SMYD3: variants seen among roughly 807,000 people sequenced by gnomAD.
SMYD3 encodes histone-lysine N-methyltransferase SMYD3.
SMYD3 carries 36 observed loss-of-function variants against 57.7 expected under a neutral mutation model. The ratio of observed to expected loss-of-function variants is 0.62; its 90% CI spans 0.48 to 0.82. The LOEUF is 0.82. Among genes scored for constraint, SMYD3 ranks in the 40% least tolerant of loss-of-function variants. The pLI, the probability that SMYD3 is intolerant of heterozygous loss-of-function variation, is 0.00. For synonymous variants in SMYD3, 211 were observed against 195.0 expected (o/e 1.08, Z -0.68); for missense variants, 515 against 538.8 (o/e 0.96, Z 0.44).
intron 8 of SMYD3, among the ~76,000 whole-genome samples, chr1:245,878,795 G>T (rs1035564918): frequency 1.3e-5 from 2 of 152,204 alleles, no homozygotes; most frequent in Admixed American, 6.5e-5. Context: ...ATATACTGTT[G>T]ATGTCATCAG....
intron 10 of SMYD3, among the ~76,000 whole-genome samples, chr1:245,829,638 G>C (rs1381266392): frequency 6.6e-6 from 1 of 151,948 alleles, no homozygotes; most frequent in Non-Finnish European, 1.5e-5. Flanking sequence ...TTCCACTCTA[G>C]ATATACACTT....
chr1:246,131,914 T>TA (rs35343279), intron 5 of SMYD3, among the ~76,000 whole-genome samples: 38,779 of 152,054 alleles, frequency 0.26, 5,786 homozygotes, highest in East Asian at 0.44. Context: ...CTATAATGTT[T>TA]AAATGAGAAA....
intron 5 of SMYD3, among the ~76,000 whole-genome samples, chr1:246,255,964 A>G (rs2063881890): frequency 1.3e-5 from 2 of 151,784 alleles, no homozygotes; most frequent in South Asian, 2.1e-4. Context: ...ATAGATAGAT[A>G]GATAGATAGA....
At chr1:245,932,887 C>T (rs952454584) in intron 5 of SMYD3, among the ~76,000 whole-genome samples, 1 of 152,118 alleles carries the variant, frequency 6.6e-6, no homozygotes, top group African/African-American at 2.4e-5. Context: ...CTGAGTGTTA[C>T]GTGTTAGTCT....
At chr1:246,385,529 A>G (rs762430405) in intron 1 of SMYD3, among the ~76,000 whole-genome samples, 1 of 152,112 alleles carries the variant, frequency 6.6e-6, no homozygotes, top group African/African-American at 2.4e-5. Context: ...TTCCTAGGAG[A>G]GAAAGGACCC....
intron 10 of SMYD3, among the ~76,000 whole-genome samples, chr1:245,767,752 C>T (rs1212174113): frequency 2.6e-5 from 4 of 152,188 alleles, no homozygotes; most frequent in African/African-American, 4.8e-5. Flanking sequence ...GGCACACACA[C>T]GTGCAAAGCT....
intron 10 of SMYD3, among the ~76,000 whole-genome samples, chr1:245,774,807 T>C (rs2046494415): frequency 6.6e-6 from 1 of 151,514 alleles, no homozygotes; most frequent in Admixed American, 6.6e-5. Flanking sequence ...CCTGCCTGAT[T>C]CTCCTGCCTC....
intron 1 of SMYD3, among the ~76,000 whole-genome samples, chr1:246,473,220 T>C (rs764608273): frequency 6.6e-6 from 1 of 152,234 alleles, no homozygotes; most frequent in Non-Finnish European, 1.5e-5. Context: ...TCTTTTTACA[T>C]GGCTTAGGTT....
chr1:246,166,751 T>C (rs1225281343), intron 5 of SMYD3, among the ~76,000 whole-genome samples: 1 of 152,220 alleles, frequency 6.6e-6, no homozygotes, highest in African/African-American at 2.4e-5. Flanking sequence ...ACCTGAGAGC[T>C]AGGGGCCGCG....
chr1:245,799,497 G>A (rs184532084), intron 10 of SMYD3, among the ~76,000 whole-genome samples: 30 of 40,460 alleles, frequency 7.4e-4, no homozygotes, highest in Admixed American at 2.8e-3. Flanking sequence ...AAATGGACTC[G>A]AATGCGTGAA....
At chr1:246,295,555 A>C (rs2064777267) in intron 5 of SMYD3, among the ~76,000 whole-genome samples, 1 of 152,208 alleles carries the variant, frequency 6.6e-6, no homozygotes, top group Non-Finnish European at 1.5e-5. Flanking sequence ...ATCTATTTGC[A>C]ATCAAGATGC....
At chr1:245,936,172 ATAATT>A (rs1462275398) in intron 5 of SMYD3, among the ~76,000 whole-genome samples, 2 of 152,226 alleles carry the variant, frequency 1.3e-5, no homozygotes, top group African/African-American at 2.4e-5. Context: ...AAAATTTTAA[ATAATT>A]TAATAAGACA....
At chr1:245,833,255 G>C (rs902503477) in intron 10 of SMYD3, among the ~76,000 whole-genome samples, 15 of 152,054 alleles carry the variant, frequency 9.9e-5, no homozygotes, top group African/African-American at 3.6e-4. Flanking sequence ...AGCAAATGTT[G>C]GTATGTGACT....
At chr1:246,271,624 T>C (rs1371538509) in intron 5 of SMYD3, among the ~76,000 whole-genome samples, 1 of 152,228 alleles carries the variant, frequency 6.6e-6, no homozygotes, top group Non-Finnish European at 1.5e-5. Flanking sequence ...GAGGTTTTAC[T>C]TCTGGACTTT....
At position 246,479,720 on chromosome 1, in the gene SMYD3, C is replaced by A. The variant is rs538763079; in HGVS notation, c.164+27334G>T. Among the ~76,000 whole-genome samples the A allele has an allele frequency of 5.9e-5, 9 of 151,710 alleles. No homozygotes were observed. The East Asian group carries it at 1.7e-3, about 29-fold the overall frequency. On this transcript the variant is annotated intron_variant, in intron 1 of 11. Coordinates refer to ENST00000490107, the MANE Select transcript of SMYD3 (RefSeq NM_001167740.2). ...CCAAGGTCTCAATATATTGCCCAGG[C>A]TGGTCGTGAACTCCTGGGCTCAAGC... is the stretch of plus-strand genomic sequence containing the variant.
chr1:246,500,888 A>G lies in SMYD3; in HGVS notation c.164+6166T>C, dbSNP rs143115593. 1.9e-3 allele frequency among the ~76,000 whole-genome samples: 284 copies of G among 152,322 alleles called. 1 individual carries two copies. The highest frequency in any genetic ancestry group is 0.014 in the Middle Eastern group (4 of 294). The stretch of plus-strand genomic sequence containing the variant: ...AGCCCTTTCCCAAACCTCGTTACAG[A>G]AGAAAAGGAAGCAGTAGAAGAAACA... On this transcript the variant is annotated intron_variant, in intron 1 of 11. Coordinates refer to ENST00000490107, the MANE Select transcript of SMYD3 (RefSeq NM_001167740.2).
chr1:246,346,054 G>C (rs982689734), intron 2 of SMYD3, among the ~76,000 whole-genome samples: 3 of 152,158 alleles, frequency 2.0e-5, no homozygotes, highest in Non-Finnish European at 2.9e-5. Context: ...GGAGGCCAAG[G>C]GGGGTGGATC....
At chr1:246,171,033 CA>C (rs2062321555) in intron 5 of SMYD3, among the ~76,000 whole-genome samples, 1 of 152,026 alleles carries the variant, frequency 6.6e-6, no homozygotes, top group African/African-American at 2.4e-5. Flanking sequence ...TTCAGATTAT[CA>C]ATTTCTGAGT....
At chr1:246,335,247 T>G in intron 3 of SMYD3, 120 bp downstream of exon 3, 2 of 853,904 alleles carry the variant, frequency 2.3e-6, no homozygotes, top group Non-Finnish European at 1.8e-6. Flanking sequence ...TATTGCAATA[T>G]TTGCTTTATT....
Sources: allele counts gnomAD v4.1 joint callset (sites outside exome capture counted in the v4.1 genomes callset), GRCh38; gene constraint gnomAD v4.1.1; transcripts MANE v1.5; gene names NCBI Gene and HGNC (gene_info 2026-07-23, HGNC 2026-07-21).